TMEM134: variants seen among roughly 807,000 people sequenced by gnomAD.
TMEM134 encodes transmembrane protein 134.
TMEM134 carries 36 observed loss-of-function variants against 26.2 expected under a neutral mutation model. The observed-to-expected ratio is 1.37, with a 90% CI of 1.05 to 1.81. TMEM134 has a LOEUF of 1.81. Among genes scored for constraint, TMEM134 ranks in the 40% most tolerant of loss-of-function variants. The probability of loss-of-function intolerance (pLI) is 0.00; values close to 1 mark genes in which losing one functional copy is unlikely to be tolerated. For synonymous variants in TMEM134, 133 were observed against 113.6 expected, an observed-to-expected ratio of 1.17 and a Z score of -1.08; for missense variants, 339 against 263.5, an observed-to-expected ratio of 1.29 and a Z score of -1.98.
At chr11:67,467,268 C>T (rs1353914902) in intron 4 of TMEM134, 44 bp downstream of exon 4, 4 of 1,594,254 alleles carry the variant, frequency 2.5e-6, no homozygotes, top group Non-Finnish European at 3.4e-6. Context: ...AGGGCAGAGC[C>T]TCCCACGGGG....
chr11:67,465,063 G>T lies in TMEM134; in HGVS notation c.444C>A (p.Pro148=). 3.8e-6 allele frequency: 6 copies of T among 1,583,592 alleles called. No homozygotes were observed. The highest frequency in any genetic ancestry group is 5.1e-6 in the Non-Finnish European group (6 of 1,168,742). The change falls in exon 5 of 7, where the codon CCC becomes CCA. Residue 148 remains proline, a synonymous_variant. Coordinates refer to ENST00000308022, the MANE Select transcript of TMEM134 (RefSeq NM_025124.4). ...GGCGGGAGGGTCGCTCACCTGGAGA[G>T]GGGGTCGCCTCCAGTCCCACGCCGA... ...ILVGVGLEAT[P]SPGVSSAIFF...
At chr11:67,468,655 G>A (rs942114636) in intron 1 of TMEM134, among the ~76,000 whole-genome samples, 4 of 152,204 alleles carry the variant, frequency 2.6e-5, no homozygotes, top group Non-Finnish European at 5.9e-5. Context: ...CTGGGGCACA[G>A]GGGATGCTCC....
At chr11:67,468,839 G>A (rs1007127871) in intron 1 of TMEM134, among the ~76,000 whole-genome samples, 180 bp downstream of exon 1, 1 of 152,186 alleles carries the variant, frequency 6.6e-6, no homozygotes, top group Non-Finnish European at 1.5e-5. Flanking sequence ...GGCCCGGTAT[G>A]GGAACCGGGA....
At chr11:67,467,961 TG>T in intron 2 of TMEM134, 66 bp downstream of exon 2, 1 of 1,439,296 alleles carries the variant, frequency 6.9e-7, no homozygotes, top group Non-Finnish European at 9.5e-7. Flanking sequence ...GGTGGGTGAC[TG>T]AGCAGGGTCC....
rs1036399518 is a variant in TMEM134 at position 67,462,316 on chromosome 11, A to G, written c.*2298T>C. 6.7e-6 allele frequency: 1 copy of G among 149,348 alleles called. No individual in the cohort carries two copies. The highest frequency in any genetic ancestry group is 6.7e-5 in the Admixed American group (1 of 15,012). The allele number at this position is 149,348 out of a possible 1,614,324, so 9.3% of individuals were successfully genotyped here. ...ATTATATTTATTGAAATGTAATTTT[A>G]TGTCTAATTAATCTGATAAACTGTG... On this transcript the variant is annotated 3_prime_UTR_variant, in exon 7 of 7. Coordinates refer to ENST00000308022, the MANE Select transcript of TMEM134 (RefSeq NM_025124.4).
Position 67,464,710 on chromosome 11 carries a change from CCT to C in TMEM134, c.506-16_506-15del. On this transcript the variant is annotated splice_polypyrimidine_tract_variant and intron_variant, in intron 6 of 6. Transcript: ENST00000308022. ...TCACGTGATAGACTGCGGGGCGGGGCCTGTCAGCGCAGAAGCCCCGCCCCTCC... is the reference window on the plus strand; with the variant it reads ...TCACGTGATAGACTGCGGGGCGGGGCGTCAGCGCAGAAGCCCCGCCCCTCC... 6.4e-7 allele frequency: 1 copy of C among 1,551,548 alleles called. No individual in the cohort carries two copies.
In TMEM134 at chr11:67,464,142, C is replaced by T. The variant is rs1865093542; in HGVS notation, c.*472G>A. 1 of 187,000 alleles carries T rather than the reference C, an allele frequency of 5.3e-6. No individual in the cohort carries two copies. Among genetic ancestry groups the T allele is most frequent in the Non-Finnish European group, 1.1e-5 (1 of 87,870 alleles). The allele number at this position is 187,000 out of a possible 1,614,324, so 11.6% of individuals were successfully genotyped here. ...AGGGCTGGGGGTGGGGCAGGCTGTT[C>T]CGGCCGGCTCCTGGCTGGCAAGGCA... is the stretch of plus-strand genomic sequence containing the variant. On this transcript the variant is annotated 3_prime_UTR_variant, in exon 7 of 7. Coordinates refer to ENST00000308022, the MANE Select transcript of TMEM134 (RefSeq NM_025124.4).
intron 6 of TMEM134, 52 bp from the exon 7 acceptor site, chr11:67,464,748 G>GC (rs1442277541): frequency 1.7e-5 from 16 of 959,234 alleles, no homozygotes; most frequent in Middle Eastern, 2.8e-4. Context: ...CCGCAACACC[G>GC]CCCCCAGTGC....
chr11:67,469,187 G>T lies in TMEM134; in HGVS notation c.6C>A (p.Ser2Arg), dbSNP rs1273691455. 3.0e-6 allele frequency: 4 copies of T among 1,338,820 alleles called. No individual in the cohort carries two copies. The highest frequency in any genetic ancestry group is 3.9e-6 in the Non-Finnish European group (4 of 1,036,886). 82.9% of individuals were successfully genotyped at this position (1,338,820 alleles called of 1,614,324 possible). A position where few individuals can be genotyped will look rare whatever the true frequency, so the allele number is the denominator to read the frequency against. ...CAATGCTGAACTGGGGCCGGGCGGC[G>T]CTCATGGCCCCGGCCCGCTCAGGCG... Reference protein sequence around the residue: MSAARPQFSIDD... With the variant: MRAARPQFSIDD... The change falls in exon 1 of 7, where the codon AGC (serine) becomes AGA (arginine). Residue 2 changes from serine to arginine, a missense_variant. Ser to Arg is a moderately radical substitution (Grantham distance 110). Transcript: ENST00000308022.
Position 67,465,053 on chromosome 11 carries a change from C to T in TMEM134, c.451+3G>A. 6.3e-7 allele frequency: 1 copy of T among 1,579,044 alleles called. No homozygotes were observed. The highest frequency in any genetic ancestry group is 8.6e-7 in the Non-Finnish European group (1 of 1,166,728). On this transcript the variant is annotated splice_donor_region_variant and intron_variant, in intron 5 of 6. Coordinates refer to ENST00000308022, the MANE Select transcript of TMEM134 (RefSeq NM_025124.4). Reference sequence around the variant, plus strand: ...TGCCTGTGGGGGCGGGAGGGTCGCTCACCTGGAGAGGGGGTCGCCTCCAGT... The same window carrying T: ...TGCCTGTGGGGGCGGGAGGGTCGCTTACCTGGAGAGGGGGTCGCCTCCAGT...
chr11:67,466,432 G>A (rs1395417843), intron 4 of TMEM134: 2 of 152,390 alleles, frequency 1.3e-5, no homozygotes, highest in African/African-American at 4.8e-5. Flanking sequence ...GGCCCTCTAA[G>A]GCGCTCTGGT....
In TMEM134 at chr11:67,469,238, A is replaced by C; in HGVS notation, c.-46T>G. 8.1e-7 allele frequency: 1 copy of C among 1,241,978 alleles called. No homozygotes were observed. The highest frequency in any genetic ancestry group is 4.3e-5 in the Admixed American group (1 of 23,476). The allele number at this position is 1,241,978 out of a possible 1,614,324, so 76.9% of individuals were successfully genotyped here. On this transcript the variant is annotated 5_prime_UTR_variant, in exon 1 of 7. Transcript: ENST00000308022. ...CCGTGCGCCGCCGCCATCTGCGCCC[A>C]CACACCCAGCGTCGCCGCTGCCCCG... is the stretch of plus-strand genomic sequence containing the variant.
At chr11:67,467,455 G>A in intron 3 of TMEM134, 46 bp downstream of exon 3, 7 of 1,611,912 alleles carry the variant, frequency 4.3e-6, no homozygotes, top group Non-Finnish European at 5.9e-6. Context: ...GGCTGTGGGG[G>A]TGGAGCCAGG....
In TMEM134 at chr11:67,467,353, C is replaced by CA; in HGVS notation, c.364_365insT (p.Arg122LeufsTer113). On this transcript the variant is annotated frameshift_variant, in exon 4 of 7. Transcript: ENST00000308022. LOFTEE classifies it high-confidence loss of function. ...GAGCAGGAAGGAGGCCAGCACCACTCGGCGGTTCTTCTGGATCAAAGGGTG... is the reference window on the plus strand; with the variant it reads ...GAGCAGGAAGGAGGCCAGCACCACTCAGGCGGTTCTTCTGGATCAAAGGGTG... 6.2e-7 allele frequency: 1 copy of CA among 1,613,670 alleles called. No homozygotes were observed. The highest frequency in any genetic ancestry group is 8.5e-7 in the Non-Finnish European group (1 of 1,179,838).
chr11:67,467,916 CA>C (rs1217403247), intron 2 of TMEM134, 111 bp downstream of exon 2: 3 of 1,038,332 alleles, frequency 2.9e-6, no homozygotes, highest in Non-Finnish European at 4.3e-6. Flanking sequence ...GGCTAGGAAT[CA>C]ATAGGACGGG....
chr11:67,468,093 C>G lies in TMEM134; in HGVS notation c.175-1G>C. 6.4e-7 allele frequency: 1 copy of G among 1,562,028 alleles called. No homozygotes were observed. Among genetic ancestry groups the G allele is most frequent in the Non-Finnish European group, 8.7e-7 (1 of 1,152,680 alleles). On this transcript the variant is annotated splice_acceptor_variant, in intron 1 of 6. Transcript: ENST00000308022. LOFTEE classifies it high-confidence loss of function. ...CTCCATCCTCATCGTTCTCCAGGTT[C>G]TGTTGCAGAACACAGGTCTCAGGGG...
In TMEM134 at chr11:67,467,518, G is replaced by A. The variant is rs753920738; in HGVS notation, c.312C>T (p.Ser104=). ...FSTISSSTQR[S]YNTCCSWTQH... is the part of the protein sequence containing the mutation. ...AGGCTCACCTGCAGCAGGTGTTGTA[G>A]GAGCGCTGGGTGCTGCTGCTGATGG... The change falls in exon 3 of 7, where the codon TCC becomes TCT. Residue 104 remains serine (S), a synonymous_variant. Transcript: ENST00000308022. 1 of 1,614,076 alleles carries A rather than the reference G, an allele frequency of 6.2e-7. No individual in the cohort carries two copies.
In TMEM134 at chr11:67,468,081, G is replaced by A. The variant is rs754508204; in HGVS notation, c.186C>T (p.Asn62=). ...QSRLRYQNLE[N]DEDGAQASPE... ...GAGAGGCCTGGGCTCCATCCTCATCGTTCTCCAGGTTCTGTTGCAGAACAC... is the reference window on the plus strand; with the variant it reads ...GAGAGGCCTGGGCTCCATCCTCATCATTCTCCAGGTTCTGTTGCAGAACAC... Residue 62 remains asparagine, a synonymous_variant, in exon 2 of 7, where the codon AAC becomes AAT. Coordinates refer to ENST00000308022, the MANE Select transcript of TMEM134 (RefSeq NM_025124.4). 5.1e-6 allele frequency: 8 copies of A among 1,563,164 alleles called. No homozygotes were observed. In the Admixed American group the frequency reaches 5.7e-5, roughly 11 times the overall value.
rs945069765 is a variant in TMEM134, at chr11:67,469,011, C to A, written c.174+8G>T. 2 of 1,486,870 alleles carry A rather than the reference C, an allele frequency of 1.3e-6. No individual in the cohort carries two copies. Among genetic ancestry groups the A allele is most frequent in the Non-Finnish European group, 1.8e-6 (2 of 1,118,992 alleles). The allele number at this position is 1,486,870 out of a possible 1,614,324, so 92.1% of individuals were successfully genotyped here. On this transcript the variant is annotated splice_region_variant and intron_variant, in intron 1 of 6. Coordinates refer to ENST00000308022, the MANE Select transcript of TMEM134 (RefSeq NM_025124.4). ...GGGGCAGGGGGTTAGGTGGGCCGGG[C>A]GGTTCACCTGGTAGCGCAGCCGGGA...
Sources: gnomAD v4.1 joint callset for allele counts (sites outside exome capture counted in the v4.1 genomes callset) on GRCh38, gnomAD v4.1.1 for gene constraint, MANE v1.5 for transcripts, NCBI Gene and HGNC (gene_info 2026-07-23, HGNC 2026-07-21) for gene names.